Variants in CDH2 observed in about 807,000 individuals in gnomAD.
CDH2 encodes the protein cadherin 2.
A neutral mutation model predicts 92.0 loss-of-function variants in CDH2; 17 were observed. The observed-to-expected ratio is 0.18, with a 90% CI of 0.13 to 0.28. The LOEUF is 0.28. CDH2 is among the 10% of genes least tolerant of loss of function. The pLI is 1.00. For synonymous variants in CDH2, 419 were observed against 415.9 expected (o/e 1.01, Z -0.09); for missense variants, 862 against 1,133.1 (o/e 0.76, Z 3.44).
chr18:28,038,982 C>T (rs2144101983), intron 2 of CDH2, among the ~76,000 whole-genome samples: 1 of 152,244 alleles, frequency 6.6e-6, no homozygotes, highest in Non-Finnish European at 1.5e-5. Context: ...GAAGATTTGG[C>T]AATTTCTTGT....
chr18:28,046,057 T>C (rs2144116826), intron 2 of CDH2, among the ~76,000 whole-genome samples: 4 of 152,326 alleles, frequency 2.6e-5, no homozygotes. Flanking sequence ...GGTAGTCAAG[T>C]ATGTGATAAA....
chr18:28,163,196 C>T (rs1379672412), intron 1 of CDH2, among the ~76,000 whole-genome samples: 5 of 152,116 alleles, frequency 3.3e-5, no homozygotes, highest in African/African-American at 1.2e-4. Context: ...TTATGCAGTC[C>T]ACCAGATTTT....
At chr18:28,062,929 C>T (rs1006420183) in intron 2 of CDH2, among the ~76,000 whole-genome samples, 38 of 152,184 alleles carry the variant, frequency 2.5e-4, no homozygotes, top group African/African-American at 9.2e-4. Context: ...GCCGAGATCA[C>T]GCCACTGCAC....
chr18:28,049,418 CAG>C (rs1349688572), intron 2 of CDH2, among the ~76,000 whole-genome samples: 1 of 152,118 alleles, frequency 6.6e-6, no homozygotes, highest in Non-Finnish European at 1.5e-5. Context: ...AACTTTCACA[CAG>C]AGACGAAATG....
intron 5 of CDH2, among the ~76,000 whole-genome samples, chr18:28,008,030 G>A (rs1053187472): frequency 6.6e-6 from 1 of 152,150 alleles, no homozygotes; most frequent in Non-Finnish European, 1.5e-5. Context: ...CACCACACCC[G>A]ACTGGTATTG....
intron 2 of CDH2, among the ~76,000 whole-genome samples, chr18:28,100,494 C>T (rs2015209564): frequency 6.9e-6 from 1 of 144,976 alleles, no homozygotes. Flanking sequence ...GATCTTGGAT[C>T]TTGTCAGATT....
chr18:27,944,754 T>TTAA (rs1397346197), intron 6 of CDH2, among the ~76,000 whole-genome samples: 1 of 83,570 alleles, frequency 1.2e-5, no homozygotes. Context: ...ACTTCCTTTC[T>TTAA]AAAAAAAAAA....
chr18:27,952,377 A>G lies in CDH2; in HGVS notation c.2515-18T>C, dbSNP rs1176858882. The G allele has an allele frequency of 6.3e-7, 1 of 1,593,914 alleles. No homozygotes were observed. The highest frequency in any genetic ancestry group is 1.7e-5 in the Admixed American group (1 of 59,828). ...TTAAGGCCCTGCAATTTGGAAACACAAAGAATGAAAGAATTAAGAGAGGGT... is the reference window on the plus strand; with the variant it reads ...TTAAGGCCCTGCAATTTGGAAACACGAAGAATGAAAGAATTAAGAGAGGGT... On this transcript the variant is annotated intron_variant, in intron 15 of 15. Transcript: ENST00000269141.
At chr18:28,171,226 A>G (rs963755425) in intron 1 of CDH2, among the ~76,000 whole-genome samples, 2 of 80,918 alleles carry the variant, frequency 2.5e-5, no homozygotes, top group African/African-American at 7.9e-5. Flanking sequence ...GACTGTCTTT[A>G]AAAAAAAAAA....
chr18:28,047,692 C>A (rs2144119780), intron 2 of CDH2, among the ~76,000 whole-genome samples: 1 of 151,800 alleles, frequency 6.6e-6, no homozygotes, highest in Non-Finnish European at 1.5e-5. Flanking sequence ...CACGGTGAAA[C>A]CCCTTCTCTA....
intron 2 of CDH2, among the ~76,000 whole-genome samples, chr18:28,135,636 C>T (rs1181071056): frequency 6.6e-6 from 1 of 152,070 alleles, no homozygotes; most frequent in East Asian, 1.9e-4. Context: ...TCTTCTGCAT[C>T]AATAGAATAT....
chr18:28,092,823 G>C (rs2144215086), intron 2 of CDH2, among the ~76,000 whole-genome samples: 1 of 152,220 alleles, frequency 6.6e-6, no homozygotes, highest in Admixed American at 6.5e-5. Context: ...TATTTTAACA[G>C]TGAGGGATGA....
At chr18:28,018,208 C>T (rs1319420576) in intron 2 of CDH2, among the ~76,000 whole-genome samples, 1 of 147,386 alleles carries the variant, frequency 6.8e-6, no homozygotes, top group Non-Finnish European at 1.5e-5. Flanking sequence ...AGGAAAACTA[C>T]AAAACACTGC....
At chr18:28,159,859 G>A (rs1198213407) in intron 1 of CDH2, among the ~76,000 whole-genome samples, 2 of 152,154 alleles carry the variant, frequency 1.3e-5, no homozygotes, top group Non-Finnish European at 2.9e-5. Context: ...GTTTCGCCAT[G>A]TTGGCCAGGC....
At chr18:27,945,155 T>C (rs954895236) in intron 6 of CDH2, among the ~76,000 whole-genome samples, 2 of 152,002 alleles carry the variant, frequency 1.3e-5, no homozygotes, top group Non-Finnish European at 2.9e-5. Flanking sequence ...AAAATGGTGA[T>C]GTGTGAGTTC....
At chr18:27,965,029 T>C (rs1430148819) in intron 14 of CDH2, among the ~76,000 whole-genome samples, 1 of 152,216 alleles carries the variant, frequency 6.6e-6, no homozygotes, top group Non-Finnish European at 1.5e-5. Context: ...ACCAGACTCT[T>C]GATAAGTGTT....
At chr18:27,947,628 A>G (rs1909301540), downstream of CDH2, among the ~76,000 whole-genome samples, 1 of 151,874 alleles carries the variant, frequency 6.6e-6, no homozygotes, top group African/African-American at 2.4e-5. Context: ...ACATGCTTAT[A>G]TGACAACTGT....
chr18:28,129,482 T>C (rs2015731257), intron 2 of CDH2, among the ~76,000 whole-genome samples: 2 of 152,140 alleles, frequency 1.3e-5, no homozygotes, highest in South Asian at 2.1e-4. Context: ...CCAAAACAGA[T>C]GAATATCAGT....
intron 1 of CDH2, among the ~76,000 whole-genome samples, chr18:28,167,474 T>G (rs192437924): frequency 1.3e-4 from 20 of 152,208 alleles, no homozygotes; most frequent in Admixed American, 1.3e-3. Flanking sequence ...CAATTACAAA[T>G]ACATATGATA....
Sources: allele counts gnomAD v4.1 joint callset (sites outside exome capture counted in the v4.1 genomes callset), GRCh38; gene constraint gnomAD v4.1.1; transcripts MANE v1.5; gene names NCBI Gene and HGNC (gene_info 2026-07-23, HGNC 2026-07-21).